HORMAD1: variants seen among roughly 807,000 people sequenced by gnomAD.
The protein encoded by HORMAD1 is HORMA domain-containing protein 1.
HORMAD1 carries 33 observed loss-of-function variants against 58.2 expected under a neutral mutation model. The observed-to-expected ratio is 0.57, with a 90% confidence interval of 0.43 to 0.76. HORMAD1 has a LOEUF of 0.76. Among genes scored for constraint, HORMAD1 ranks in the 30% least tolerant of loss-of-function variants. HORMAD1 has a pLI of 0.00. For synonymous variants in HORMAD1, 137 were observed against 144.6 expected (o/e 0.95, Z 0.38); for missense variants, 363 against 462.0 (o/e 0.79, Z 1.96).
chr1:150,717,832 C>T (rs1233860536), intron 2 of HORMAD1, among the ~76,000 whole-genome samples: 1 of 151,974 alleles, frequency 6.6e-6, no homozygotes, highest in East Asian at 1.9e-4. Flanking sequence ...CTTGTAATCC[C>T]AGCACTTGGG....
At chr1:150,718,344 A>ATTTT (rs34258924) in intron 2 of HORMAD1, among the ~76,000 whole-genome samples, 4 of 125,848 alleles carry the variant, frequency 3.2e-5, no homozygotes, top group African/African-American at 5.8e-5. Context: ...TGCCTGGCTA[A>ATTTT]TTTTTTTTTT....
chr1:150,698,681 C>T lies in HORMAD1; in HGVS notation c.1158G>A (p.Lys386=). ...SSQESVPKRR[K]FSEPKEHI ...ATATATGTTCCTTTGGTTCACTAAACTTTCTCCTTTTTGGCACTGACTCTT... is the reference window on the plus strand; with the variant it reads ...ATATATGTTCCTTTGGTTCACTAAATTTTCTCCTTTTTGGCACTGACTCTT... Residue 386 remains lysine, a synonymous_variant, in exon 15 of 15, where the codon AAG becomes AAA. Coordinates refer to ENST00000361824, the MANE Select transcript of HORMAD1 (RefSeq NM_032132.5). 1 of 1,601,322 alleles carries T rather than the reference C, an allele frequency of 6.2e-7. No individual in the cohort carries two copies. Among genetic ancestry groups the T allele is most frequent in the Non-Finnish European group, 8.5e-7 (1 of 1,169,696 alleles).
chr1:150,717,023 G>T, intron 3 of HORMAD1, 115 bp downstream of exon 3: 38 of 490,750 alleles, frequency 7.7e-5, no homozygotes, highest in East Asian at 1.9e-4. Context: ...TACGTGAATT[G>T]TATTAATAAA....
chr1:150,700,955 G>C (rs1033442027), intron 13 of HORMAD1, among the ~76,000 whole-genome samples: 1 of 152,002 alleles, frequency 6.6e-6, no homozygotes, highest in Non-Finnish European at 1.5e-5. Context: ...CTAATGATTA[G>C]GTGTCATACA....
Position 150,706,573 on chromosome 1 carries a change from C to A in HORMAD1, c.784G>T (p.Glu262Ter). The A allele has an allele frequency of 6.2e-7, 1 of 1,607,334 alleles. No individual in the cohort carries two copies. The highest frequency in any genetic ancestry group is 1.1e-5 in the South Asian group (1 of 90,816). Residue 262 changes from glutamate to a stop codon, truncating the protein, a stop_gained, in exon 10 of 15, where the codon GAA becomes TAA. Coordinates refer to ENST00000361824, the MANE Select transcript of HORMAD1 (RefSeq NM_032132.5). LOFTEE classifies it high-confidence loss of function. ...CTTACACTTGTATAATGCTCCTGTTCATCTTCTACATCTTTGTCCCTCAGG... is the reference window on the plus strand; with the variant it reads ...CTTACACTTGTATAATGCTCCTGTTAATCTTCTACATCTTTGTCCCTCAGG... ...KILRDKDVED[E>*]QEHYTSDDLD...
chr1:150,704,100 A>G lies in HORMAD1; in HGVS notation c.948+18T>C. 1 of 1,526,812 alleles carries G rather than the reference A, an allele frequency of 6.5e-7. No individual in the cohort carries two copies. Among genetic ancestry groups the G allele is most frequent in the East Asian group, 2.3e-5 (1 of 44,134 alleles). The allele number at this position is 1,526,812 out of a possible 1,614,324, so 94.6% of individuals were successfully genotyped here. On this transcript the variant is annotated intron_variant, in intron 12 of 14. Transcript: ENST00000361824. ...CTGTGAACAAAACAAAAGTGAGATG[A>G]AACTATCAAGTTTATACCTGAGAAT...
At position 150,704,139 on chromosome 1, in the gene HORMAD1, A is replaced by C; in HGVS notation, c.927T>G (p.Asp309Glu). Residue 309 changes from aspartate to glutamate, a missense_variant, in exon 12 of 15, where the codon GAT (aspartate) becomes GAG (glutamate). Asp to Glu is a conservative substitution (Grantham distance 45). Around this residue, in one of 3 missense-constraint regions of HORMAD1, gnomAD observed 226 missense variants for 257.8 expected, o/e 0.88. Coordinates refer to ENST00000361824, the MANE Select transcript of HORMAD1 (RefSeq NM_032132.5). ...ATACCTGAGAATGAGAAATAGAAAG[A>C]TCTGGACTTTCTTTAGACCTCATAA... ...DEIMRSKESP[D>E]LSISHSQVEQ... is the part of the protein sequence containing the mutation. The C allele has an allele frequency of 6.3e-7, 1 of 1,594,066 alleles. No individual in the cohort carries two copies. The highest frequency in any genetic ancestry group is 1.2e-5 in the South Asian group (1 of 86,338).
Position 150,698,968 on chromosome 1 carries a change from C to G in HORMAD1, c.1105-234G>C, listed in dbSNP as rs6688430. The G allele has an allele frequency of 0.99, 344,873 of 349,582 alleles. 170,263 individuals carry two copies. The highest frequency in any genetic ancestry group is 1 in the East Asian group (20,602 of 20,602). 21.7% of individuals were successfully genotyped at this position (349,582 alleles called of 1,614,324 possible). On this transcript the variant is annotated intron_variant, in intron 14 of 14. Transcript: ENST00000361824. Reference sequence around the variant, plus strand: ...ATGTATAATCTTCAGTAGGGCTGCTCTAGAAGTGAGAAGATAGATTTAACA... The same window carrying G: ...ATGTATAATCTTCAGTAGGGCTGCTGTAGAAGTGAGAAGATAGATTTAACA...
Position 150,704,334 on chromosome 1 carries a change from C to T in HORMAD1, c.814G>A (p.Asp272Asn). 6.4e-7 allele frequency: 1 copy of T among 1,569,562 alleles called. No homozygotes were observed. The highest frequency in any genetic ancestry group is 2.2e-5 in the East Asian group (1 of 44,568). The change falls in exon 11 of 15, where the codon GAC (aspartate) becomes AAC (asparagine). Residue 272 changes from aspartate to asparagine, a missense_variant. By Grantham distance (23) the Asp-to-Asn change is conservative. Coordinates refer to ENST00000361824, the MANE Select transcript of HORMAD1 (RefSeq NM_032132.5). ...EQEHYTSDDL[D>N]IETKMEEQEK... ...TGTTCTTCCATTTTAGTTTCAATGTCCAAATCATCCTACATAATTATGTGA... is the reference window on the plus strand; with the variant it reads ...TGTTCTTCCATTTTAGTTTCAATGTTCAAATCATCCTACATAATTATGTGA...
rs1448807922 is a variant in HORMAD1 at position 150,698,731 on chromosome 1, G to A, written c.1108C>T (p.Leu370Phe). 1.3e-6 allele frequency: 2 copies of A among 1,579,504 alleles called. No individual in the cohort carries two copies. Among genetic ancestry groups the A allele is most frequent in the Non-Finnish European group, 1.7e-6 (2 of 1,154,576 alleles). The change falls in exon 15 of 15, where the codon CTC becomes TTC. Residue 370 changes from leucine (L) to phenylalanine (F), a missense_variant. This residue lies in a region of HORMAD1 where 226 missense variants were observed against 257.8 expected (regional missense o/e 0.88). Coordinates refer to ENST00000361824, the MANE Select transcript of HORMAD1 (RefSeq NM_032132.5). Reference sequence around the variant, plus strand: ...TGACTAGAAGAATCAAAGTGATGGAGGACCTGTCAAAAGAAAACAACTACT... The same window carrying A: ...TGACTAGAAGAATCAAAGTGATGGAAGACCTGTCAAAAGAAAACAACTACT... ...RSQHESGRIV[L>F]HHFDSSSQES...
chr1:150,719,383 T>C (rs1465158953), intron 2 of HORMAD1, 90 bp downstream of exon 2: 1 of 768,632 alleles, frequency 1.3e-6, no homozygotes, highest in Non-Finnish European at 2.2e-6. Context: ...CTCAAATAGT[T>C]GAGCCCTAAC....
chr1:150,700,052 T>A, intron 14 of HORMAD1, 60 bp downstream of exon 14: 2 of 783,412 alleles, frequency 2.6e-6, no homozygotes, highest in South Asian at 3.1e-5. Context: ...ATTTAATCTG[T>A]AGTAATGATA....
At chr1:150,709,750 C>T (rs375786651) in intron 7 of HORMAD1, among the ~76,000 whole-genome samples, 4 of 150,464 alleles carry the variant, frequency 2.7e-5, no homozygotes, top group Non-Finnish European at 4.5e-5. Flanking sequence ...GTATAAAACC[C>T]GATTGTACAT....
Position 150,706,675 on chromosome 1 carries a change from T to C in HORMAD1, c.682A>G (p.Thr228Ala), listed in dbSNP as rs1324894809. ...ATATTTTCCATTCGTTCTCTCTCAGTGGTCACTTTTACTTTGAAGATGTGA... is the reference window on the plus strand; with the variant it reads ...ATATTTTCCATTCGTTCTCTCTCAGCGGTCACTTTTACTTTGAAGATGTGA... ...PFHIFKVKVT[T>A]ERERMENIDS... Residue 228 changes from threonine to alanine, a missense_variant, in exon 10 of 15, where the codon ACT (threonine) becomes GCT (alanine). Coordinates refer to ENST00000361824, the MANE Select transcript of HORMAD1 (RefSeq NM_032132.5). 1.9e-6 allele frequency: 3 copies of C among 1,613,898 alleles called. No individual in the cohort carries two copies. In the Admixed American group the frequency reaches 5.0e-5, roughly 27 times the overall value.
chr1:150,704,263 C>T lies in HORMAD1; in HGVS notation c.871+14G>A, dbSNP rs1243871513. On this transcript the variant is annotated intron_variant, in intron 11 of 14. Transcript: ENST00000361824. ...TTGGAAGTGAGTTAATGTACATTTT[C>T]ATTAACTTCTTACCTTCAAGTTCAG... The T allele has an allele frequency of 6.4e-7, 1 of 1,574,316 alleles. No individual in the cohort carries two copies. Among genetic ancestry groups the T allele is most frequent in the Admixed American group, 1.8e-5 (1 of 54,146 alleles).
chr1:150,717,801 G>A (rs191721786), intron 2 of HORMAD1, among the ~76,000 whole-genome samples: 2 of 152,056 alleles, frequency 1.3e-5, no homozygotes, highest in African/African-American at 4.8e-5. Flanking sequence ...GTGGTGGCAG[G>A]CACCTGTAAA....
chr1:150,709,965 C>T (rs1029958247), intron 7 of HORMAD1, among the ~76,000 whole-genome samples: 1 of 152,124 alleles, frequency 6.6e-6, no homozygotes, highest in Non-Finnish European at 1.5e-5. Flanking sequence ...TGTTGCTGAC[C>T]TTCTCCTTAT....
In HORMAD1 at chr1:150,698,512, G is replaced by A. The variant is rs1651439622; in HGVS notation, c.*142C>T. ...ATCTCAAGATTAAGGACCACAATAT[G>A]ACAGTCAGCCAAAAACTTAGTTTTA... On this transcript the variant is annotated 3_prime_UTR_variant, in exon 15 of 15. Transcript: ENST00000361824. 4.5e-6 allele frequency: 2 copies of A among 441,146 alleles called. No homozygotes were observed. Among genetic ancestry groups the A allele is most frequent in the Non-Finnish European group, 4.1e-6 (1 of 243,972 alleles). The allele number at this position is 441,146 out of a possible 1,614,324, so 27.3% of individuals were successfully genotyped here.
In HORMAD1 at chr1:150,700,103, A is replaced by G; in HGVS notation, c.1104+9T>C. ...TTGTATTCAAACTATACATTATCAT[A>G]AGACTTACTATTCTCCCAGATTCAT... On this transcript the variant is annotated intron_variant, in intron 14 of 14. Transcript: ENST00000361824. 1.5e-6 allele frequency: 2 copies of G among 1,330,424 alleles called. No homozygotes were observed. Among genetic ancestry groups the G allele is most frequent in the Non-Finnish European group, 2.2e-6 (2 of 922,110 alleles). The allele number at this position is 1,330,424 out of a possible 1,614,324, so 82.4% of individuals were successfully genotyped here.
Sources: gnomAD v4.1 joint callset for allele counts (sites outside exome capture counted in the v4.1 genomes callset) on GRCh38, gnomAD v4.1.1 for gene constraint, gnomAD v4.1.1 regional missense constraint, MANE v1.5 for transcripts, NCBI Gene and HGNC (gene_info 2026-07-23, HGNC 2026-07-21) for gene names.